Variants in MTBP observed in about 807,000 individuals in gnomAD.
MTBP encodes mdm2-binding protein.
MTBP carries 101 observed loss-of-function variants against 117.0 expected under a neutral mutation model. The observed-to-expected ratio is 0.86, with a 90% CI of 0.73 to 1.02. MTBP has a LOEUF of 1.02. Ranked by LOEUF, MTBP falls within the 50% of genes least tolerant of loss-of-function variation. The pLI, the probability that MTBP is intolerant of heterozygous loss-of-function variation, is 0.00. For synonymous variants in MTBP, 350 were observed against 351.5 expected (o/e 1.00, Z 0.05); for missense variants, 970 against 1,030.9 (o/e 0.94, Z 0.81).
At chr8:120,511,608 T>C (rs1814811732) in intron 17 of MTBP, among the ~76,000 whole-genome samples, 1 of 152,224 alleles carries the variant, frequency 6.6e-6, no homozygotes, top group African/African-American at 2.4e-5. Flanking sequence ...AATTTTACTT[T>C]TCATTTATAC....
chr8:120,494,662 A>G (rs1814415073), intron 13 of MTBP, among the ~76,000 whole-genome samples: 1 of 152,206 alleles, frequency 6.6e-6, no homozygotes, highest in African/African-American at 2.4e-5. Flanking sequence ...TGCTTCTTCA[A>G]GTGAAGTCAT....
At chr8:120,475,998 T>TA (rs1345708412) in intron 11 of MTBP, among the ~76,000 whole-genome samples, 7 of 151,940 alleles carry the variant, frequency 4.6e-5, no homozygotes, top group Admixed American at 3.3e-4. Flanking sequence ...AGTAGGTTTT[T>TA]AAAAAAACCT....
At position 120,459,286 on chromosome 8, in the gene MTBP, T is replaced by C. The variant is rs983152726; in HGVS notation, c.819T>C (p.Asn273=). The C allele has an allele frequency of 1.2e-6, 2 of 1,611,860 alleles. No homozygotes were observed. The highest frequency in any genetic ancestry group is 2.7e-5 in the African/African-American group (2 of 74,862). The change falls in exon 8 of 22, where the codon AAT becomes AAC. Residue 273 remains asparagine (N), a synonymous_variant. Coordinates refer to ENST00000305949, the MANE Select transcript of MTBP (RefSeq NM_022045.5). ...GVTLKNFSTS[N]LNTDFLAKKI... The stretch of plus-strand genomic sequence containing the variant: ...CACTTAAGAATTTTAGTACTTCTAA[T>C]TTAAATACTGACTTCCTTGCCAAAA...
rs146965434 is a variant in MTBP, at chr8:120,488,178, A to T, written c.1185A>T (p.Lys395Asn). Residue 395 changes from lysine (K) to asparagine (N), a missense_variant, in exon 12 of 22, where the codon AAA (lysine) becomes AAT (asparagine). By Grantham distance (94) the Lys-to-Asn change is moderately conservative. Coordinates refer to ENST00000305949, the MANE Select transcript of MTBP (RefSeq NM_022045.5). ...GTTTAGTTCCAGATGTTGAAGTGAA[A>T]GGAGAGTGTTCTAGCTATTATCTCT... ...KTISVPDVEV[K>N]GECSSYYLLL... 2 of 1,582,498 alleles carry T rather than the reference A, an allele frequency of 1.3e-6. No individual in the cohort carries two copies. The highest frequency in any genetic ancestry group is 2.7e-5 in the African/African-American group (2 of 73,044).
intron 11 of MTBP, chr8:120,472,179 T>G (rs1164857275): frequency 6.6e-6 from 1 of 152,228 alleles, no homozygotes; most frequent in African/African-American, 2.4e-5. Flanking sequence ...AGGAATACAG[T>G]TTTAAAATCA....
At chr8:120,457,393 T>C (rs1240537546) in intron 7 of MTBP, among the ~76,000 whole-genome samples, 3 of 152,180 alleles carry the variant, frequency 2.0e-5, no homozygotes, top group Non-Finnish European at 4.4e-5. Context: ...TTATTTAGGG[T>C]AGCATGGGAG....
intron 14 of MTBP, 54 bp from the exon 15 acceptor site, chr8:120,502,438 C>A (rs1814605296): frequency 1.6e-6 from 2 of 1,246,970 alleles, no homozygotes; most frequent in Admixed American, 2.2e-5. Context: ...TTTTTATTAG[C>A]AAAATTCAGT....
At chr8:120,448,009 C>T (rs1267235974) in intron 2 of MTBP, among the ~76,000 whole-genome samples, 1 of 152,028 alleles carries the variant, frequency 6.6e-6, no homozygotes, top group African/African-American at 2.4e-5. Context: ...TCACTGCAGC[C>T]TCAACCTCCC....
At chr8:120,488,613 A>G (rs937712691) in intron 12 of MTBP, among the ~76,000 whole-genome samples, 4 of 152,178 alleles carry the variant, frequency 2.6e-5, no homozygotes, top group Non-Finnish European at 5.9e-5. Context: ...CTTTAAATAC[A>G]TATATTTTGC....
At chr8:120,476,088 C>G (rs1813930806) in intron 11 of MTBP, among the ~76,000 whole-genome samples, 1 of 151,974 alleles carries the variant, frequency 6.6e-6, no homozygotes, top group Non-Finnish European at 1.5e-5. Flanking sequence ...ATTAGAATTT[C>G]TACCTAATTT....
intron 15 of MTBP, among the ~76,000 whole-genome samples, chr8:120,503,869 A>G (rs1814635071): frequency 6.6e-6 from 1 of 152,056 alleles, no homozygotes; most frequent in Non-Finnish European, 1.5e-5. Flanking sequence ...AGGGAAAGGA[A>G]ATGTTGAAGA....
At chr8:120,502,892 A>G (rs1265846246) in intron 15 of MTBP, among the ~76,000 whole-genome samples, 7 of 152,238 alleles carry the variant, frequency 4.6e-5, no homozygotes, top group African/African-American at 7.2e-5. Context: ...CATACACAGT[A>G]TATGAAGATA....
intron 2 of MTBP, 49 bp from the exon 3 acceptor site, chr8:120,450,954 G>C (rs1007228563): frequency 3.7e-6 from 5 of 1,344,400 alleles, no homozygotes; most frequent in Non-Finnish European, 4.2e-6. Flanking sequence ...TGTGTCATCT[G>C]CTTATTTATG....
Position 120,514,719 on chromosome 8 carries a change from A to C in MTBP, c.1980-1206A>C, listed in dbSNP as rs372044618. Among the ~76,000 whole-genome samples, 111 of 152,170 alleles carry C rather than the reference A, an allele frequency of 7.3e-4. 1 individual carries two copies. Among genetic ancestry groups the C allele is most frequent in the African/African-American group, 2.6e-3 (106 of 41,542 alleles). On this transcript the variant is annotated intron_variant, in intron 17 of 21. Transcript: ENST00000305949. ...GTGGTAGAAAATAAATCTAATGATG[A>C]TGATAACAATAATAGTAACATACAT...
intron 17 of MTBP, among the ~76,000 whole-genome samples, chr8:120,513,128 C>G (rs1814847005): frequency 6.6e-6 from 1 of 152,048 alleles, no homozygotes; most frequent in Non-Finnish European, 1.5e-5. Flanking sequence ...GTAAAATACA[C>G]TGTTTTATTA....
At chr8:120,497,301 TTG>T in intron 13 of MTBP, 90 bp from the exon 14 acceptor site, 1 of 1,147,022 alleles carries the variant, frequency 8.7e-7, no homozygotes, top group Admixed American at 2.8e-5. Flanking sequence ...AGAAATTCAC[TTG>T]TTTTACTTCT....
At chr8:120,466,599 G>A (rs116629522) in intron 10 of MTBP, among the ~76,000 whole-genome samples, 2,886 of 151,914 alleles carry the variant, frequency 0.019, 92 homozygotes, top group African/African-American at 0.067. Flanking sequence ...TCAGCTGGGC[G>A]CGGTGGCTCA....
chr8:120,487,560 A>G lies in MTBP; in HGVS notation c.1166-599A>G, dbSNP rs537096689. 4.9e-4 allele frequency among the ~76,000 whole-genome samples: 75 copies of G among 152,336 alleles called. 1 individual carries two copies. The highest frequency in any genetic ancestry group is 1.7e-3 in the African/African-American group (70 of 41,578). The stretch of plus-strand genomic sequence containing the variant: ...TTCAACAAAGAAAGATTCTACTTCT[A>G]TTTTTAATCTCAAAGGCTTCACAGT... On this transcript the variant is annotated intron_variant, in intron 11 of 21. Transcript: ENST00000305949.
chr8:120,512,774 T>C (rs1273006676), intron 17 of MTBP, among the ~76,000 whole-genome samples: 3 of 152,076 alleles, frequency 2.0e-5, no homozygotes, highest in African/African-American at 7.2e-5. Flanking sequence ...GCTGACAAAG[T>C]TGTAGGAGGT....
Sources: gnomAD v4.1 joint callset for allele counts (sites outside exome capture counted in the v4.1 genomes callset) on GRCh38, gnomAD v4.1.1 for gene constraint, MANE v1.5 for transcripts, NCBI Gene and HGNC (gene_info 2026-07-23, HGNC 2026-07-21) for gene names.